Variants in XYLT1 observed in about 807,000 individuals in gnomAD.
XYLT1 encodes beta-D-xylosyltransferase 1.
XYLT1 carries 36 observed loss-of-function variants against 91.3 expected under a neutral mutation model. The ratio of observed to expected loss-of-function variants is 0.39; its 90% confidence interval spans 0.30 to 0.52. XYLT1 has a LOEUF of 0.52. Among genes scored for constraint, XYLT1 ranks in the 20% least tolerant of loss-of-function variants. XYLT1 has a pLI of 0.68. For synonymous variants in XYLT1, 588 were observed against 532.0 expected (o/e 1.11, Z -1.45); for missense variants, 1,242 against 1,284.5 (o/e 0.97, Z 0.51).
intron 2 of XYLT1, among the ~76,000 whole-genome samples, chr16:17,346,715 G>A (rs920090917): frequency 2.8e-4 from 43 of 152,280 alleles, no homozygotes; most frequent in African/African-American, 1.0e-3. Flanking sequence ...GCCAGTGAAC[G>A]TGGAGACTGG....
chr16:17,422,501 C>T (rs1045678575), intron 1 of XYLT1, among the ~76,000 whole-genome samples: 3 of 150,846 alleles, frequency 2.0e-5, no homozygotes, highest in South Asian at 2.1e-4. Context: ...GCCTGGCCCA[C>T]AAATTTTACT....
chr16:17,377,033 C>T (rs1035667124), intron 1 of XYLT1, among the ~76,000 whole-genome samples: 5 of 151,380 alleles, frequency 3.3e-5, no homozygotes, highest in African/African-American at 1.2e-4. Flanking sequence ...AAAAATTAGC[C>T]GGGCATGGTG....
intron 1 of XYLT1, among the ~76,000 whole-genome samples, chr16:17,428,661 A>T (rs2036348970): frequency 6.6e-6 from 1 of 152,226 alleles, no homozygotes; most frequent in African/African-American, 2.4e-5. Flanking sequence ...CTGTAGCCGC[A>T]GCCCACTCAC....
chr16:17,295,600 A>C (rs4780700), intron 2 of XYLT1, among the ~76,000 whole-genome samples: 73,847 of 151,946 alleles, frequency 0.49, 20,879 homozygotes, highest in African/African-American at 0.78. Context: ...AGGTGATCTG[A>C]CCACTTTGAC....
In XYLT1 at chr16:17,259,092, C is replaced by T. The variant is rs750159503; in HGVS notation, c.809G>A (p.Arg270His). Residue 270 changes from arginine to histidine, a missense_variant, in exon 3 of 12, where the codon CGT (arginine) becomes CAT (histidine). Around this residue, in one of 3 missense-constraint regions of XYLT1, gnomAD observed 437 missense variants for 411.5 expected, o/e 1.06. Transcript: ENST00000261381. Reference protein sequence around the residue: ...SGKEAISALSRAKSKHCRQEI... With the variant: ...SGKEAISALSHAKSKHCRQEI... ...CTGGCGGCAGTGCTTGGACTTAGCA[C>T]GGGACAGGGCAGAGATGGCCTCCTT... The T allele has an allele frequency of 7.1e-6, 11 of 1,550,338 alleles. No individual in the cohort carries two copies. The highest frequency in any genetic ancestry group is 4.5e-5 in the East Asian group (2 of 44,200).
rs143013197 is a variant in XYLT1, at chr16:17,434,855, G to A, written c.363+35579C>T. Among the ~76,000 whole-genome samples, 17 of 150,502 alleles carry A rather than the reference G, an allele frequency of 1.1e-4. 1 individual carries two copies. The highest frequency in any genetic ancestry group is 8.6e-4 in the Admixed American group (13 of 15,060). ...TGCACTCTAGCTTGGGCAACAGAGC[G>A]AGACCCTGTCTCTAAGAAAAAAAAA... is the stretch of plus-strand genomic sequence containing the variant. On this transcript the variant is annotated intron_variant, in intron 1 of 11. Coordinates refer to ENST00000261381, the MANE Select transcript of XYLT1 (RefSeq NM_022166.4).
chr16:17,204,409 G>C (rs539736592), intron 3 of XYLT1, among the ~76,000 whole-genome samples: 51 of 152,156 alleles, frequency 3.4e-4, no homozygotes, highest in African/African-American at 1.1e-3. Flanking sequence ...CAGTTAGTCT[G>C]GGGAGCTGCA....
At chr16:17,283,286 T>A (rs1036874297) in intron 2 of XYLT1, among the ~76,000 whole-genome samples, 4 of 152,192 alleles carry the variant, frequency 2.6e-5, no homozygotes, top group African/African-American at 9.6e-5. Flanking sequence ...AATAAGTGAA[T>A]TGTTCTTTAA....
At chr16:17,186,981 G>A (rs1235313501) in intron 5 of XYLT1, among the ~76,000 whole-genome samples, 2 of 152,080 alleles carry the variant, frequency 1.3e-5, no homozygotes, top group African/African-American at 4.8e-5. Flanking sequence ...CAAGGAAGGG[G>A]GCACACAGGC....
chr16:17,345,803 C>T (rs571843908), intron 2 of XYLT1, among the ~76,000 whole-genome samples: 10 of 120,342 alleles, frequency 8.3e-5, no homozygotes, highest in South Asian at 2.5e-4. Flanking sequence ...TTACTTCAAC[C>T]GTTTTTATTT....
chr16:17,448,973 G>C (rs1028140320), intron 1 of XYLT1, among the ~76,000 whole-genome samples: 2 of 152,184 alleles, frequency 1.3e-5, no homozygotes, highest in African/African-American at 4.8e-5. Flanking sequence ...GCCAGGCTGC[G>C]AACTCCGGCA....
At chr16:17,234,032 C>T (rs1411924902) in intron 3 of XYLT1, among the ~76,000 whole-genome samples, 1 of 152,172 alleles carries the variant, frequency 6.6e-6, no homozygotes, top group Non-Finnish European at 1.5e-5. Flanking sequence ...ATGCTAATGA[C>T]ATGGCTCCTC....
intron 6 of XYLT1, among the ~76,000 whole-genome samples, chr16:17,150,641 C>G (rs1039105929): frequency 3.9e-5 from 6 of 152,132 alleles, no homozygotes; most frequent in African/African-American, 2.4e-5. Flanking sequence ...AAGACCCACA[C>G]AGCTGGTGAG....
intron 1 of XYLT1, among the ~76,000 whole-genome samples, chr16:17,452,733 A>AAAAAC (rs2036683129): frequency 6.6e-6 from 1 of 152,178 alleles, no homozygotes; most frequent in African/African-American, 2.4e-5. Flanking sequence ...TTATGAAGGA[A>AAAAAC]GCCTGGAAGT....
chr16:17,311,001 G>A (rs1303314270), intron 2 of XYLT1, among the ~76,000 whole-genome samples: 1 of 152,164 alleles, frequency 6.6e-6, no homozygotes, highest in Non-Finnish European at 1.5e-5. Flanking sequence ...AGAAAAAGGT[G>A]AACTTCCTTC....
intron 5 of XYLT1, among the ~76,000 whole-genome samples, chr16:17,180,802 C>T (rs1381031455): frequency 6.6e-6 from 1 of 152,150 alleles, no homozygotes; most frequent in Non-Finnish European, 1.5e-5. Context: ...TTCACCTAAG[C>T]TGAGTGGGAG....
chr16:17,380,600 A>G (rs1181712899), intron 1 of XYLT1, among the ~76,000 whole-genome samples: 1 of 152,236 alleles, frequency 6.6e-6, no homozygotes, highest in African/African-American at 2.4e-5. Context: ...AAAATTAAAT[A>G]TAGAAAAACT....
intron 3 of XYLT1, among the ~76,000 whole-genome samples, chr16:17,233,714 C>T (rs1244890331): frequency 6.6e-6 from 1 of 152,206 alleles, no homozygotes; most frequent in Non-Finnish European, 1.5e-5. Context: ...AGCAAGCAAG[C>T]CTGGGCCTGC....
intron 2 of XYLT1, among the ~76,000 whole-genome samples, chr16:17,263,600 C>T (rs11075345): frequency 0.08 from 12,118 of 151,934 alleles, 687 homozygotes; most frequent in Non-Finnish European, 0.13. Context: ...GAGAGAGGCG[C>T]AGTCAGCGAG....
Sources: gnomAD v4.1 joint callset for allele counts (sites outside exome capture counted in the v4.1 genomes callset) on GRCh38, gnomAD v4.1.1 for gene constraint, gnomAD v4.1.1 regional missense constraint, MANE v1.5 for transcripts, NCBI Gene and HGNC (gene_info 2026-07-23, HGNC 2026-07-21) for gene names.